The following DLGAP1 variants were observed in gnomAD, a reference collection of about 807,000 sequenced individuals.
The protein encoded by DLGAP1 is disks large-associated protein 1.
DLGAP1 carries 11 observed loss-of-function variants against 90.8 expected under a neutral mutation model. The observed-to-expected ratio is 0.12, with a 90% CI of 0.08 to 0.20. The LOEUF is 0.20. Among genes scored for constraint, DLGAP1 ranks in the 10% least tolerant of loss-of-function variants. The pLI is 1.00. For synonymous variants in DLGAP1, 558 were observed against 540.7 expected, an observed-to-expected ratio of 1.03 and a Z score of -0.44; for missense variants, 1,050 against 1,333.8, an observed-to-expected ratio of 0.79 and a Z score of 3.31.
intron 1 of DLGAP1, among the ~76,000 whole-genome samples, chr18:4,423,823 C>T (rs2144698244): frequency 7.6e-6 from 1 of 131,706 alleles, no homozygotes. Flanking sequence ...GCATGAGACA[C>T]TAGTTAAGTG....
At chr18:3,815,806 T>C (rs1019489979) in intron 4 of DLGAP1, among the ~76,000 whole-genome samples, 1 of 152,058 alleles carries the variant, frequency 6.6e-6, no homozygotes, top group Non-Finnish European at 1.5e-5. Flanking sequence ...AGAAGTAACA[T>C]AGCAAACATA....
intron 1 of DLGAP1, among the ~76,000 whole-genome samples, chr18:4,351,878 T>G (rs1231355340): frequency 6.6e-6 from 1 of 152,242 alleles, no homozygotes; most frequent in Non-Finnish European, 1.5e-5. Context: ...TTAGGTATAT[T>G]TCAAACACTC....
At chr18:3,796,990 T>C (rs988876351) in intron 5 of DLGAP1, among the ~76,000 whole-genome samples, 3 of 152,158 alleles carry the variant, frequency 2.0e-5, no homozygotes, top group Non-Finnish European at 2.9e-5. Flanking sequence ...TAGGTTTAGA[T>C]GTGATCACAA....
At chr18:3,639,755 C>CTTGTTTTTTTTTT (rs2058857850) in intron 7 of DLGAP1, among the ~76,000 whole-genome samples, 1 of 118,332 alleles carries the variant, frequency 8.5e-6, no homozygotes, top group Non-Finnish European at 1.7e-5. Context: ...GCAGAGTTGC[C>CTTGTTTTTTTTTT]TTTTTTTTTT....
At chr18:3,860,098 C>CAAAAAAAAA (rs1169488386) in intron 4 of DLGAP1, among the ~76,000 whole-genome samples, 2 of 104,918 alleles carry the variant, frequency 1.9e-5, no homozygotes, top group African/African-American at 8.2e-5. Flanking sequence ...GACTCTGTCT[C>CAAAAAAAAA]AAAAAATAAA....
At chr18:4,089,515 C>T (rs985695314) in intron 2 of DLGAP1, among the ~76,000 whole-genome samples, 4 of 152,112 alleles carry the variant, frequency 2.6e-5, no homozygotes, top group South Asian at 4.2e-4. Flanking sequence ...GCAAAAAAAA[C>T]AAAGCTGAAG....
chr18:3,835,939 A>G (rs1046263042), intron 4 of DLGAP1, among the ~76,000 whole-genome samples: 4 of 152,196 alleles, frequency 2.6e-5, no homozygotes, highest in African/African-American at 9.6e-5. Flanking sequence ...CAGTTGTTAT[A>G]AAACAAATAT....
chr18:4,312,494 T>C (rs2080425515), intron 1 of DLGAP1, among the ~76,000 whole-genome samples: 1 of 152,210 alleles, frequency 6.6e-6, no homozygotes, highest in South Asian at 2.1e-4. Context: ...CTAACAATAA[T>C]TCAACTTATA....
chr18:4,032,458 A>T (rs925840762), intron 2 of DLGAP1, among the ~76,000 whole-genome samples: 2 of 152,180 alleles, frequency 1.3e-5, no homozygotes, highest in African/African-American at 4.8e-5. Flanking sequence ...AAAATAAGAA[A>T]ACAAGACATA....
In DLGAP1 at chr18:3,565,132, G is replaced by C. The variant is rs1404559735; in HGVS notation, c.2057+2358C>G. On this transcript the variant is annotated intron_variant, in intron 9 of 12. Coordinates refer to ENST00000315677, the MANE Select transcript of DLGAP1 (RefSeq NM_004746.4). The surrounding 1 kb of genome is among the most constrained non-coding windows in gnomAD (Gnocchi z 4.0). Reference sequence around the variant, plus strand: ...TGAGAAAAGGCACCAAGCTGGGCTGGTGGGAGATGGAGGAATATATTTTCT... The same window carrying C: ...TGAGAAAAGGCACCAAGCTGGGCTGCTGGGAGATGGAGGAATATATTTTCT... Among the ~76,000 whole-genome samples the C allele has an allele frequency of 6.6e-6, 1 of 152,132 alleles. No homozygotes were observed. The highest frequency in any genetic ancestry group is 1.5e-5 in the Non-Finnish European group (1 of 68,030).
At chr18:3,501,588 C>A (rs900475985) in intron 12 of DLGAP1, among the ~76,000 whole-genome samples, 1 of 152,096 alleles carries the variant, frequency 6.6e-6, no homozygotes, top group South Asian at 2.1e-4. Flanking sequence ...ACATGATATG[C>A]GGTAGCAGAA....
At chr18:4,395,676 C>T (rs2082425525) in intron 1 of DLGAP1, among the ~76,000 whole-genome samples, 1 of 152,098 alleles carries the variant, frequency 6.6e-6, no homozygotes, top group Non-Finnish European at 1.5e-5. Flanking sequence ...AACATTTTTC[C>T]AACCTAATGA....
At chr18:4,391,607 A>G (rs1315900209) in intron 1 of DLGAP1, among the ~76,000 whole-genome samples, 2 of 152,136 alleles carry the variant, frequency 1.3e-5, no homozygotes, top group Non-Finnish European at 2.9e-5. Context: ...ATAGCCCATA[A>G]CATCCCTTTT....
intron 7 of DLGAP1, among the ~76,000 whole-genome samples, chr18:3,718,937 A>G (rs1158827927): frequency 2.6e-5 from 4 of 151,776 alleles, no homozygotes; most frequent in Non-Finnish European, 5.9e-5. Context: ...AAAAAAAAAA[A>G]AAAAAAAAGA....
intron 1 of DLGAP1, among the ~76,000 whole-genome samples, chr18:4,185,735 T>C (rs12607249): frequency 0.18 from 26,856 of 152,106 alleles, 3,099 homozygotes; most frequent in East Asian, 0.52. Context: ...TGAATAGTGC[T>C]GCAATGAACG....
chr18:4,289,850 A>G (rs75110938), intron 1 of DLGAP1, among the ~76,000 whole-genome samples: 1,741 of 152,286 alleles, frequency 0.011, 38 homozygotes, highest in African/African-American at 0.039. Context: ...GCATAATTAT[A>G]AGAGCTCTGT....
chr18:4,120,714 C>T (rs958229861), intron 2 of DLGAP1, among the ~76,000 whole-genome samples: 1 of 131,608 alleles, frequency 7.6e-6, no homozygotes, highest in Non-Finnish European at 1.6e-5. Context: ...TTCCTTCTTT[C>T]CTTCCTTCCC....
intron 1 of DLGAP1, among the ~76,000 whole-genome samples, chr18:4,235,130 C>T (rs755478301): frequency 2.0e-4 from 31 of 151,940 alleles, no homozygotes; most frequent in Admixed American, 5.9e-4. Context: ...ACCTGTTTTC[C>T]AGCTTATTGG....
chr18:3,876,833 T>C (rs781590880), intron 4 of DLGAP1, among the ~76,000 whole-genome samples: 2 of 152,232 alleles, frequency 1.3e-5, no homozygotes, highest in Non-Finnish European at 2.9e-5. Flanking sequence ...GATCCAATAA[T>C]GCTACTACTA....
Sources: gnomAD v4.1 joint callset for allele counts (sites outside exome capture counted in the v4.1 genomes callset) on GRCh38, gnomAD v4.1.1 for gene constraint, Gnocchi (gnomAD v3.1) non-coding constraint, MANE v1.5 for transcripts, NCBI Gene and HGNC (gene_info 2026-07-23, HGNC 2026-07-21) for gene names.